SEMA3D: variants seen among roughly 807,000 people sequenced by gnomAD.
SEMA3D encodes semaphorin-3D.
In SEMA3D, 84 loss-of-function variants were observed where a neutral mutation model predicts 100.1. That is an observed-to-expected ratio of 0.84 (90% CI 0.70 to 1.01). The LOEUF is 1.01. Among genes scored for constraint, SEMA3D ranks in the 50% least tolerant of loss-of-function variants. SEMA3D has a pLI of 0.00. For synonymous variants in SEMA3D, 312 were observed against 320.7 expected (o/e 0.97, Z 0.29); for missense variants, 875 against 934.1 (o/e 0.94, Z 0.82).
intron 2 of SEMA3D, among the ~76,000 whole-genome samples, chr7:85,150,156 C>CT (rs994025731): frequency 1.4e-4 from 21 of 150,918 alleles, no homozygotes; most frequent in Admixed American, 5.3e-4. Flanking sequence ...ACATGTAAAA[C>CT]TTTTTTTTGT....
intron 5 of SEMA3D, among the ~76,000 whole-genome samples, chr7:85,075,886 C>A (rs928991952): frequency 6.6e-6 from 1 of 152,202 alleles, no homozygotes; most frequent in African/African-American, 2.4e-5. Context: ...CAACTCATAA[C>A]TTCATTTTTT....
chr7:85,246,602 T>C, the SEMA3D span, among the ~76,000 whole-genome samples: 2 of 152,164 alleles, frequency 1.3e-5, no homozygotes, highest in East Asian at 3.9e-4. Flanking sequence ...ACATTTCTAC[T>C]AGTTTGTGTA....
At chr7:85,149,601 A>C (rs1421629304) in intron 2 of SEMA3D, among the ~76,000 whole-genome samples, 1 of 152,214 alleles carries the variant, frequency 6.6e-6, no homozygotes, top group Non-Finnish European at 1.5e-5. Flanking sequence ...TATAAATCGT[A>C]GGGAATATTT....
the SEMA3D span, among the ~76,000 whole-genome samples, chr7:85,247,482 T>G: frequency 2.6e-5 from 4 of 152,026 alleles, no homozygotes; most frequent in Non-Finnish European, 5.9e-5. Context: ...ATATTAACAG[T>G]TAAGTATATA....
In SEMA3D at chr7:85,121,888, T is replaced by G. The variant is rs1789426497; in HGVS notation, c.4A>C (p.Asn2His). M[N>H]ANKDERLKAR... is the part of the protein sequence containing the mutation. Reference sequence around the variant, plus strand: ...TTAAGTCTTTCATCTTTATTAGCATTCATGATGAAAACAATGTTCTCTTTC... The same window carrying G: ...TTAAGTCTTTCATCTTTATTAGCATGCATGATGAAAACAATGTTCTCTTTC... Residue 2 changes from asparagine (N) to histidine (H), a missense_variant, in exon 3 of 19, where the codon AAT becomes CAT. Asn to His is a moderately conservative substitution (Grantham distance 68, BLOSUM62 1). Coordinates refer to ENST00000284136, the MANE Select transcript of SEMA3D (RefSeq NM_001384900.1). The G allele has an allele frequency of 1.3e-6, 2 of 1,564,230 alleles. No individual in the cohort carries two copies. Among genetic ancestry groups the G allele is most frequent in the Admixed American group, 3.7e-5 (2 of 54,022 alleles).
chr7:85,106,534 T>C (rs778453546), intron 3 of SEMA3D, among the ~76,000 whole-genome samples: 2 of 152,094 alleles, frequency 1.3e-5, no homozygotes, highest in Non-Finnish European at 2.9e-5. Flanking sequence ...TTTATAAAAT[T>C]AATTCTATTA....
intron 3 of SEMA3D, among the ~76,000 whole-genome samples, chr7:85,105,275 C>T (rs142969179): frequency 6.6e-6 from 1 of 152,140 alleles, no homozygotes; most frequent in East Asian, 1.9e-4. Flanking sequence ...TATGGAGTGC[C>T]TTCAAAGCTT....
intron 16 of SEMA3D, among the ~76,000 whole-genome samples, chr7:85,014,166 G>A (rs1403183355): frequency 1.3e-5 from 2 of 151,602 alleles, no homozygotes; most frequent in Non-Finnish European, 3.0e-5. Flanking sequence ...ATTCCAAAAA[G>A]AAAAAAGTGT....
intron 4 of SEMA3D, among the ~76,000 whole-genome samples, chr7:85,091,416 CAATTCAT>C (rs1242518537): frequency 6.6e-6 from 1 of 151,492 alleles, no homozygotes; most frequent in Non-Finnish European, 1.5e-5. Context: ...AGGATCCCAA[CAATTCAT>C]TAACTCAAAA....
intron 12 of SEMA3D, chr7:85,028,360 C>A (rs770335070): frequency 3.7e-6 from 2 of 536,162 alleles, no homozygotes; most frequent in East Asian, 7.9e-5. Context: ...TGCCAATTGT[C>A]GCTGCTATTG....
intron 1 of SEMA3D, among the ~76,000 whole-genome samples, chr7:85,176,691 A>T (rs180933644): frequency 2.1e-3 from 313 of 150,392 alleles, no homozygotes; most frequent in African/African-American, 7.4e-3. Flanking sequence ...AAACTCAATT[A>T]AAAAAAATTC....
chr7:85,163,014 G>A (rs1790788690), intron 1 of SEMA3D: 1 of 928,622 alleles, frequency 1.1e-6, no homozygotes, highest in Admixed American at 6.2e-5. Flanking sequence ...CTAACGAGAA[G>A]GAAAGACAAG....
Position 85,007,396 on chromosome 7 carries a change from A to G in SEMA3D, c.1769-455T>C, listed in dbSNP as rs1411230935. ...CACAGAGCTGATCAGATAACAGAAA[A>G]TTTTGATATCAGAAAAGTAAGTTAT... On this transcript the variant is annotated intron_variant, in intron 17 of 18. Transcript: ENST00000284136. 1.3e-4 allele frequency among the ~76,000 whole-genome samples: 19 copies of G among 151,846 alleles called. 1 individual carries two copies.
At chr7:85,122,246 T>C (rs1183177451) in intron 2 of SEMA3D, among the ~76,000 whole-genome samples, 2 of 148,216 alleles carry the variant, frequency 1.3e-5, no homozygotes, top group African/African-American at 2.5e-5. Context: ...AAAAAAAAAC[T>C]ATTAAGATAA....
At chr7:85,028,117 A>C in intron 12 of SEMA3D, 1 of 638,702 alleles carries the variant, frequency 1.6e-6, no homozygotes, top group Non-Finnish European at 2.9e-6. Context: ...GTGGTAAATG[A>C]TGCTGGCAGG....
chr7:85,098,565 A>T (rs1324738366), intron 3 of SEMA3D, among the ~76,000 whole-genome samples: 1 of 151,824 alleles, frequency 6.6e-6, no homozygotes, highest in Non-Finnish European at 1.5e-5. Flanking sequence ...ACTGAGAGGG[A>T]GATACAGAAA....
At chr7:85,024,695 TC>T (rs1306881160) in intron 12 of SEMA3D, among the ~76,000 whole-genome samples, 1 of 152,024 alleles carries the variant, frequency 6.6e-6, no homozygotes. Context: ...AAGATCTTTA[TC>T]CTCTCAATTG....
intron 2 of SEMA3D, among the ~76,000 whole-genome samples, chr7:85,130,536 T>C (rs1237635060): frequency 6.6e-6 from 1 of 152,158 alleles, no homozygotes; most frequent in Non-Finnish European, 1.5e-5. Context: ...GAGCTGGATG[T>C]CTGGAAAATC....
chr7:85,139,419 T>C (rs1170251192), intron 2 of SEMA3D, among the ~76,000 whole-genome samples: 1 of 152,146 alleles, frequency 6.6e-6, no homozygotes, highest in African/African-American at 2.4e-5. Flanking sequence ...CATTTATATA[T>C]ACTATTTTAT....
Sources: allele counts gnomAD v4.1 joint callset (sites outside exome capture counted in the v4.1 genomes callset), GRCh38; gene constraint gnomAD v4.1.1; transcripts MANE v1.5; gene names NCBI Gene and HGNC (gene_info 2026-07-23, HGNC 2026-07-21).